RNF220: variants seen among roughly 807,000 people sequenced by gnomAD.
The protein encoded by RNF220 is ring finger protein 220.
A neutral mutation model predicts 67.1 loss-of-function variants in RNF220; 7 were observed. The ratio of observed to expected loss-of-function variants is 0.10; its 90% confidence interval spans 0.06 to 0.20. The LOEUF (loss-of-function observed/expected upper bound fraction) is 0.20. Among genes scored for constraint, RNF220 ranks in the 10% least tolerant of loss-of-function variants. The pLI, the probability that RNF220 is intolerant of heterozygous loss-of-function variation, is 1.00. For synonymous variants in RNF220, 270 were observed against 283.2 expected, an observed-to-expected ratio of 0.95 and a Z score of 0.47; for missense variants, 565 against 740.3, an observed-to-expected ratio of 0.76 and a Z score of 2.75.
At chr1:44,617,670 C>T (rs967966433) in intron 3 of RNF220, among the ~76,000 whole-genome samples, 4 of 152,232 alleles carry the variant, frequency 2.6e-5, no homozygotes, top group African/African-American at 9.6e-5. Flanking sequence ...GTTCCTGAGA[C>T]ACCCTCTCCA....
At chr1:44,423,562 A>T (rs1018525693) in intron 2 of RNF220, among the ~76,000 whole-genome samples, 2 of 152,210 alleles carry the variant, frequency 1.3e-5, no homozygotes, top group Non-Finnish European at 2.9e-5. Context: ...AGCACCCAGA[A>T]CCATGCTTGG....
chr1:44,505,925 A>G (rs969412769), intron 2 of RNF220, among the ~76,000 whole-genome samples: 1 of 149,710 alleles, frequency 6.7e-6, no homozygotes, highest in Admixed American at 6.7e-5. Flanking sequence ...TCTCCGCCCT[A>G]CTCTGGTTGG....
intron 2 of RNF220, among the ~76,000 whole-genome samples, chr1:44,429,902 A>T (rs973629720): frequency 6.6e-6 from 1 of 152,194 alleles, no homozygotes; most frequent in Non-Finnish European, 1.5e-5. Context: ...GTACTTAAAG[A>T]TGTATGTTCT....
rs1667248509 is a variant in RNF220, at chr1:44,606,022, C to T, written c.626-8143C>T. 6.6e-6 allele frequency among the ~76,000 whole-genome samples: 1 copy of T among 152,218 alleles called. No homozygotes were observed. Among genetic ancestry groups the T allele is most frequent in the African/African-American group, 2.4e-5 (1 of 41,444 alleles). Reference sequence around the variant, plus strand: ...TCTCCCCTGCCCGCCCTACCCCTACCTCCTCAACCAGGGATGCCTATTAAT... The same window carrying T: ...TCTCCCCTGCCCGCCCTACCCCTACTTCCTCAACCAGGGATGCCTATTAAT... On this transcript the variant is annotated intron_variant, in intron 2 of 14. Coordinates refer to ENST00000361799, the MANE Select transcript of RNF220 (RefSeq NM_018150.4). The surrounding 1 kb of genome is among the most constrained non-coding windows in gnomAD (Gnocchi z 4.2).
intron 2 of RNF220, among the ~76,000 whole-genome samples, chr1:44,523,085 G>C (rs1481306012): frequency 1.3e-5 from 2 of 152,228 alleles, no homozygotes; most frequent in East Asian, 1.9e-4. Context: ...GGTCTAGAAA[G>C]CATCTGTAAG....
chr1:44,549,923 C>T (rs1662486663), intron 2 of RNF220, among the ~76,000 whole-genome samples: 1 of 152,158 alleles, frequency 6.6e-6, no homozygotes, highest in Non-Finnish European at 1.5e-5. Context: ...GTTTATTTAT[C>T]CTACGCCTGG....
intron 2 of RNF220, among the ~76,000 whole-genome samples, chr1:44,440,508 A>G: frequency 6.6e-6 from 1 of 152,242 alleles, no homozygotes; most frequent in East Asian, 1.9e-4. Context: ...TTTAAAATTT[A>G]CTGTTTAACA....
At chr1:44,549,120 G>C (rs929645635) in intron 2 of RNF220, among the ~76,000 whole-genome samples, 1 of 152,154 alleles carries the variant, frequency 6.6e-6, no homozygotes, top group African/African-American at 2.4e-5. Context: ...CCAGGAGATG[G>C]AGGCTGCAGT....
chr1:44,472,544 T>TA (rs1299486961), intron 2 of RNF220, among the ~76,000 whole-genome samples: 3 of 152,238 alleles, frequency 2.0e-5, no homozygotes, highest in African/African-American at 7.2e-5. Context: ...TCTTTGAATG[T>TA]AGAGTCTTTT....
chr1:44,471,995 T>A (rs1654855244), intron 2 of RNF220, among the ~76,000 whole-genome samples: 2 of 151,422 alleles, frequency 1.3e-5, no homozygotes, highest in Non-Finnish European at 2.9e-5. Flanking sequence ...TCTAGCTTGT[T>A]TCTCTTAATA....
chr1:44,590,910 T>C (rs1666070434), intron 2 of RNF220, among the ~76,000 whole-genome samples: 1 of 152,170 alleles, frequency 6.6e-6, no homozygotes, highest in African/African-American at 2.4e-5. Flanking sequence ...CCCTGGAAGA[T>C]AGTTTTCCAG....
chr1:44,552,901 A>G (rs1026405649), intron 2 of RNF220, among the ~76,000 whole-genome samples: 1 of 152,004 alleles, frequency 6.6e-6, no homozygotes, highest in African/African-American at 2.4e-5. Flanking sequence ...AGAAGACCAC[A>G]TGTCATCTGA....
intron 2 of RNF220, among the ~76,000 whole-genome samples, chr1:44,481,747 G>T (rs971424380): frequency 5.9e-5 from 9 of 152,344 alleles, no homozygotes; most frequent in African/African-American, 2.2e-4. Context: ...TCAAGAGAGA[G>T]AACTTTTTTG....
intron 2 of RNF220, among the ~76,000 whole-genome samples, chr1:44,585,785 A>G (rs1665651732): frequency 6.6e-6 from 1 of 152,140 alleles, no homozygotes; most frequent in Non-Finnish European, 1.5e-5. Context: ...TCATCTCTAA[A>G]ATGGGATAAT....
chr1:44,461,253 A>C (rs1019663410), intron 2 of RNF220, among the ~76,000 whole-genome samples: 2 of 152,186 alleles, frequency 1.3e-5, no homozygotes, highest in African/African-American at 2.4e-5. Context: ...TCCTTCTAGA[A>C]GTGGATTTTC....
intron 2 of RNF220, among the ~76,000 whole-genome samples, chr1:44,585,560 TA>T (rs1401710362): frequency 6.6e-6 from 1 of 152,246 alleles, no homozygotes; most frequent in Non-Finnish European, 1.5e-5. Flanking sequence ...TCAAATCCAA[TA>T]GATGCATTTC....
intron 2 of RNF220, among the ~76,000 whole-genome samples, chr1:44,593,487 G>A (rs1042534496): frequency 1.3e-5 from 2 of 152,190 alleles, no homozygotes; most frequent in African/African-American, 4.8e-5. Context: ...CATTTTGGGA[G>A]GCCAAGGCAA....
At chr1:44,480,468 A>T (rs1311886063) in intron 2 of RNF220, among the ~76,000 whole-genome samples, 2 of 152,168 alleles carry the variant, frequency 1.3e-5, no homozygotes, top group African/African-American at 2.4e-5. Flanking sequence ...ATGGTGTAAA[A>T]GAGAGAAAAT....
Position 44,619,743 on chromosome 1 carries a change from G to A in RNF220, c.759-2999G>A, listed in dbSNP as rs988787933. Reference sequence around the variant, plus strand: ...TGAAGGCAGAGCTGATGGGCTGGGCGGGAGCCAGGCTGCCTACAGCTGCGG... The same window carrying A: ...TGAAGGCAGAGCTGATGGGCTGGGCAGGAGCCAGGCTGCCTACAGCTGCGG... On this transcript the variant is annotated intron_variant, in intron 3 of 14. Coordinates refer to ENST00000361799, the MANE Select transcript of RNF220 (RefSeq NM_018150.4). Among the ~76,000 whole-genome samples, 4 of 152,192 alleles carry A rather than the reference G, an allele frequency of 2.6e-5. No individual in the cohort carries two copies. In the South Asian group the frequency reaches 6.2e-4, roughly 24 times the overall value.
Sources: gnomAD v4.1 joint callset for allele counts (sites outside exome capture counted in the v4.1 genomes callset) on GRCh38, gnomAD v4.1.1 for gene constraint, Gnocchi (gnomAD v3.1) non-coding constraint, MANE v1.5 for transcripts, NCBI Gene and HGNC (gene_info 2026-07-23, HGNC 2026-07-21) for gene names.